The following PICALM variants were observed in gnomAD, a reference collection of about 807,000 sequenced individuals.
PICALM encodes the protein phosphatidylinositol binding clathrin assembly protein.
Under a neutral mutation model 80.5 loss-of-function variants are expected in PICALM, and 40 were observed. That is an observed-to-expected ratio of 0.50 (90% confidence interval 0.39 to 0.65). The LOEUF (loss-of-function observed/expected upper bound fraction) is 0.65. PICALM is among the 30% of genes least tolerant of loss of function. The pLI is 0.00. For missense variants in PICALM, 676 were observed against 778.9 expected (o/e 0.87, Z 1.57); for synonymous variants, 288 against 260.3 (o/e 1.11, Z -1.02).
intron 4 of PICALM, among the ~76,000 whole-genome samples, chr11:86,019,270 AT>A (rs60566146): frequency 1.3e-5 from 2 of 152,006 alleles, no homozygotes; most frequent in South Asian, 4.1e-4. Flanking sequence ...GATATTCTTG[AT>A]TTTTTTCTTT....
At chr11:86,021,551 T>C (rs950454133) in intron 4 of PICALM, among the ~76,000 whole-genome samples, 1 of 142,678 alleles carries the variant, frequency 7.0e-6, no homozygotes, top group Non-Finnish European at 1.5e-5. Flanking sequence ...ATGGCAAGAA[T>C]AGGGAGAAAC....
chr11:86,067,665 G>T (rs1346754412), intron 1 of PICALM, among the ~76,000 whole-genome samples: 4 of 152,148 alleles, frequency 2.6e-5, no homozygotes, highest in Non-Finnish European at 2.9e-5. Context: ...TTTTTTAAGG[G>T]ATGTATGTTA....
At chr11:85,975,830 C>T (rs2094262149) in intron 18 of PICALM, among the ~76,000 whole-genome samples, 1 of 152,136 alleles carries the variant, frequency 6.6e-6, no homozygotes, top group South Asian at 2.1e-4. Flanking sequence ...CTCCCAACCT[C>T]AGGTGATCCA....
At chr11:86,060,002 C>T (rs2096333223) in intron 1 of PICALM, among the ~76,000 whole-genome samples, 1 of 152,144 alleles carries the variant, frequency 6.6e-6, no homozygotes. Context: ...CCAAGTCATA[C>T]TGAACACTCC....
At chr11:86,067,709 C>T (rs17817992) in intron 1 of PICALM, among the ~76,000 whole-genome samples, 15,190 of 152,134 alleles carry the variant, frequency 0.1, 961 homozygotes, top group Admixed American at 0.14. Flanking sequence ...ATTTGGAATT[C>T]CAACAGTCTA....
intron 1 of PICALM, among the ~76,000 whole-genome samples, chr11:86,032,363 T>G (rs564032379): frequency 9.2e-4 from 140 of 152,318 alleles, no homozygotes; most frequent in African/African-American, 3.2e-3. Context: ...GGCTCACCCC[T>G]GTAATCCCAG....
intron 1 of PICALM, among the ~76,000 whole-genome samples, chr11:86,041,458 A>G (rs1177824366): frequency 6.6e-6 from 1 of 152,210 alleles, no homozygotes; most frequent in Non-Finnish European, 1.5e-5. Flanking sequence ...ATTTTTTAAA[A>G]GGCATTTTCC....
At chr11:86,016,304 T>G (rs2095480364) in intron 4 of PICALM, among the ~76,000 whole-genome samples, 1 of 152,144 alleles carries the variant, frequency 6.6e-6, no homozygotes, top group South Asian at 2.1e-4. Context: ...GCCCCACCCC[T>G]GAAGAACAAC....
At chr11:86,012,133 G>T in intron 6 of PICALM, 148 bp downstream of exon 6, 1 of 427,372 alleles carries the variant, frequency 2.3e-6, no homozygotes, top group Non-Finnish European at 4.2e-6. Flanking sequence ...AAGTAATTAG[G>T]TATAAAACTC....
chr11:86,039,049 T>G (rs2095898460), intron 1 of PICALM, among the ~76,000 whole-genome samples: 1 of 151,150 alleles, frequency 6.6e-6, no homozygotes, highest in Non-Finnish European at 1.5e-5. Context: ...AGGCAGAGGT[T>G]GTGGTGAGCC....
intron 19 of PICALM, among the ~76,000 whole-genome samples, chr11:85,969,156 C>T (rs764529239): frequency 6.6e-6 from 1 of 152,174 alleles, no homozygotes; most frequent in Admixed American, 6.5e-5. Flanking sequence ...AGCACTAATG[C>T]AGTGCTTAGA....
At chr11:86,040,117 A>T (rs542503124) in intron 1 of PICALM, among the ~76,000 whole-genome samples, 60 of 152,118 alleles carry the variant, frequency 3.9e-4, no homozygotes, top group African/African-American at 1.3e-3. Context: ...TCTTAGTGTT[A>T]TAAGAATGGA....
chr11:85,981,800 G>C (rs1288902431), intron 15 of PICALM, 25 bp from the exon 16 acceptor site: 1 of 1,612,466 alleles, frequency 6.2e-7, no homozygotes. Flanking sequence ...AAACAAAAAA[G>C]CATTTTATAA....
intron 4 of PICALM, among the ~76,000 whole-genome samples, chr11:86,018,543 G>A (rs1176049184): frequency 6.6e-6 from 1 of 151,988 alleles, no homozygotes; most frequent in East Asian, 1.9e-4. Context: ...TAAAAAAAGG[G>A]AATAAATCAG....
intron 12 of PICALM, among the ~76,000 whole-genome samples, chr11:85,992,054 C>T (rs939483222): frequency 2.6e-5 from 4 of 152,096 alleles, no homozygotes; most frequent in South Asian, 2.1e-4. Context: ...ATGATACCAA[C>T]GCTAGTCTTG....
At chr11:85,984,211 C>T (rs1222558466) in intron 13 of PICALM, among the ~76,000 whole-genome samples, 1 of 152,144 alleles carries the variant, frequency 6.6e-6, no homozygotes, top group Non-Finnish European at 1.5e-5. Context: ...TGAAAATATG[C>T]TTCATTACAG....
chr11:86,012,840 TAATA>T (rs1312398836), intron 5 of PICALM, among the ~76,000 whole-genome samples: 50 of 152,032 alleles, frequency 3.3e-4, no homozygotes, highest in African/African-American at 1.2e-3. Flanking sequence ...AGAATCCTAA[TAATA>T]AATAAAGTAA....
rs901055417 is a variant in PICALM at position 86,032,397 on chromosome 11, T to C, written c.131-786A>G. On this transcript the variant is annotated intron_variant, in intron 1 of 19. Coordinates refer to ENST00000393346, the MANE Select transcript of PICALM (RefSeq NM_007166.4). ...AGTACTTTGGAAACCTGAGGTGGGG[T>C]GGATCACCCAAGATCAGGAGTTCGA... Among the ~76,000 whole-genome samples, 39 of 152,058 alleles carry C rather than the reference T, an allele frequency of 2.6e-4. 1 individual carries two copies. Among genetic ancestry groups the C allele is most frequent in the Admixed American group, 1.0e-3 (16 of 15,260 alleles).
At chr11:86,023,159 AG>A (rs2095595378) in intron 3 of PICALM, among the ~76,000 whole-genome samples, 1 of 152,198 alleles carries the variant, frequency 6.6e-6, no homozygotes, top group African/African-American at 2.4e-5. Flanking sequence ...ACCTGGCTCA[AG>A]GAAGTCTATA....
Sources: gnomAD v4.1 joint callset for allele counts (sites outside exome capture counted in the v4.1 genomes callset) on GRCh38, gnomAD v4.1.1 for gene constraint, MANE v1.5 for transcripts, NCBI Gene and HGNC (gene_info 2026-07-23, HGNC 2026-07-21) for gene names.